Variants in ITGB4 observed in about 807,000 individuals in gnomAD.
ITGB4 encodes integrin subunit beta 4.
Under a neutral mutation model 207.6 loss-of-function variants are expected in ITGB4, and 159 were observed. The ratio of observed to expected loss-of-function variants is 0.77; its 90% CI spans 0.67 to 0.87. The LOEUF (loss-of-function observed/expected upper bound fraction) is 0.87, where lower values mean the gene tolerates loss of function less well. Ranked by LOEUF, ITGB4 falls within the 40% of genes least tolerant of loss-of-function variation. The pLI, the probability that ITGB4 is intolerant of heterozygous loss-of-function variation, is 0.00. For missense variants in ITGB4, 2,278 were observed against 2,546.8 expected (o/e 0.89, Z 2.27); for synonymous variants, 1,020 against 1,062.7 (o/e 0.96, Z 0.78).
chr17:75,747,433 T>C (rs563858839), intron 26 of ITGB4, among the ~76,000 whole-genome samples: 3 of 151,998 alleles, frequency 2.0e-5, no homozygotes, highest in Non-Finnish European at 4.4e-5. Flanking sequence ...GAGCCAAGAT[T>C]GCGCCACTTC....
Position 75,739,702 on chromosome 17 carries a change from C to T in ITGB4, c.2251C>T (p.Arg751Ter), listed in dbSNP as rs770592052. Residue 751 changes from arginine to a stop codon, truncating the protein, a stop_gained, in exon 19 of 40, where the codon CGA (arginine) becomes TGA (stop). Coordinates refer to ENST00000200181, the MANE Select transcript of ITGB4 (RefSeq NM_000213.5). LOFTEE classifies it high-confidence loss of function. This position sits in a 1 kb window ranked among gnomAD's most constrained non-coding sequence, Gnocchi z 5.4. Reference sequence around the variant, plus strand: ...CCTGGCACTTCTCCCGTGCTGCAACCGAGGTATGGGCCTGGCATCGCAGGG... The same window carrying T: ...CCTGGCACTTCTCCCGTGCTGCAACTGAGGTATGGGCCTGGCATCGCAGGG... ...ACLALLPCCN[R>*]GHMVGFKEDH... The T allele has an allele frequency of 2.5e-6, 4 of 1,614,014 alleles. No homozygotes were observed. Among genetic ancestry groups the T allele is most frequent in the South Asian group, 1.1e-5 (1 of 91,092 alleles).
rs761081268 is a variant in ITGB4, at chr17:75,731,384, G to A, written c.1215+16G>A. 39 of 1,606,172 alleles carry A rather than the reference G, an allele frequency of 2.4e-5. No homozygotes were observed. The highest frequency in any genetic ancestry group is 8.0e-5 in the African/African-American group (6 of 74,830). On this transcript the variant is annotated intron_variant, in intron 10 of 39. Coordinates refer to ENST00000200181, the MANE Select transcript of ITGB4 (RefSeq NM_000213.5). The surrounding 1 kb of genome is among the most constrained non-coding windows in gnomAD (Gnocchi z 6.8). ...GGGGGAAGTGGTACGCCTCTGTGGG[G>A]GCAGCGGGGTGGGGGATAGGCACAG...
At chr17:75,753,019 C>A (rs113414158) in intron 32 of ITGB4, among the ~76,000 whole-genome samples, 1 of 152,214 alleles carries the variant, frequency 6.6e-6, no homozygotes, top group Non-Finnish European at 1.5e-5. Flanking sequence ...GCTGCGGAGC[C>A]CTTAGCTGGG....
Position 75,753,886 on chromosome 17 carries a change from C to A in ITGB4, c.4230C>A (p.Ala1410=). The A allele has an allele frequency of 7.6e-7, 1 of 1,316,430 alleles. No homozygotes were observed. Among genetic ancestry groups the A allele is most frequent in the Non-Finnish European group, 9.6e-7 (1 of 1,036,892 alleles). The allele number at this position is 1,316,430 out of a possible 1,614,324, so 81.5% of individuals were successfully genotyped here. ...CCAGCAGCGGGCGCTCCTCCGACGC[C>A]GAGGCGCCCCACGGGCCCCCGGACG... ...LSASSGRSSD[A]EAPHGPPDDG... The change falls in exon 33 of 40, where the codon GCC becomes GCA. Residue 1410 remains alanine (A), a synonymous_variant. Coordinates refer to ENST00000200181, the MANE Select transcript of ITGB4 (RefSeq NM_000213.5).
chr17:75,730,550 G>A (rs1203048950), intron 8 of ITGB4, 46 bp downstream of exon 8: 2 of 1,607,658 alleles, frequency 1.2e-6, no homozygotes, highest in African/African-American at 1.3e-5. Flanking sequence ...AAGGTAGGGG[G>A]TCCATGGAGC....
Position 75,730,924 on chromosome 17 carries a change from A to C in ITGB4, c.1052A>C (p.Asp351Ala). 6.2e-7 allele frequency: 1 copy of C among 1,613,610 alleles called. No individual in the cohort carries two copies. Residue 351 changes from aspartate to alanine, a missense_variant, in exon 9 of 40, where the codon GAC (aspartate) becomes GCC (alanine). Physicochemically the swap from Asp to Ala is moderately radical, Grantham distance 126. Coordinates refer to ENST00000200181, the MANE Select transcript of ITGB4 (RefSeq NM_000213.5). ...PVSSLGVLQE[D>A]SSNIVELLEE... ...TCCTCACTGGGGGTGCTGCAGGAGG[A>C]CTCGTCCAACATCGTGGAGCTGCTG...
rs1250332499 is a variant in ITGB4, at chr17:75,753,941, C to T, written c.4285C>T (p.Leu1429=). ...DGGAGGKGGS[L]PRSATPGPPG... ...CGGCGCGGGCGGGAAGGGCGGCAGCCTGCCCCGCAGTGCGACACCCGGGCC... is the reference window on the plus strand; with the variant it reads ...CGGCGCGGGCGGGAAGGGCGGCAGCTTGCCCCGCAGTGCGACACCCGGGCC... The change falls in exon 33 of 40, where the codon CTG becomes TTG. Residue 1429 remains leucine, a synonymous_variant. Coordinates refer to ENST00000200181, the MANE Select transcript of ITGB4 (RefSeq NM_000213.5). 2 of 1,277,482 alleles carry T rather than the reference C, an allele frequency of 1.6e-6. No individual in the cohort carries two copies. The highest frequency in any genetic ancestry group is 2.0e-6 in the Non-Finnish European group (2 of 1,017,808). 79.1% of individuals were successfully genotyped at this position (1,277,482 alleles called of 1,614,324 possible). A position where few individuals can be genotyped will look rare whatever the true frequency, so the allele number is the denominator to read the frequency against.
In ITGB4 at chr17:75,729,369, G is replaced by C; in HGVS notation, c.671G>C (p.Arg224Pro). The change falls in exon 7 of 40, where the codon CGG (arginine) becomes CCG (proline). Residue 224 changes from arginine to proline, a missense_variant. Coordinates refer to ENST00000200181, the MANE Select transcript of ITGB4 (RefSeq NM_000213.5). This position sits in a 1 kb window ranked among gnomAD's most constrained non-coding sequence, Gnocchi z 4.4. ...TTCCGGAATAAACTGCAGGGAGAGC[G>C]GATCTCAGGCAACCTGGATGCTCCT... ...DEFRNKLQGE[R>P]ISGNLDAPEG... The C allele has an allele frequency of 6.2e-7, 1 of 1,614,158 alleles. No individual in the cohort carries two copies. The highest frequency in any genetic ancestry group is 1.1e-5 in the South Asian group (1 of 91,082).
Position 75,757,669 on chromosome 17 carries a change from C to A in ITGB4, c.*114C>A. The A allele has an allele frequency of 7.0e-7, 1 of 1,430,560 alleles. No homozygotes were observed. The highest frequency in any genetic ancestry group is 9.8e-7 in the Non-Finnish European group (1 of 1,019,722). 88.6% of individuals were successfully genotyped at this position (1,430,560 alleles called of 1,614,324 possible). A position where few individuals can be genotyped will look rare whatever the true frequency, so the allele number is the denominator to read the frequency against. ...CCTGGGGGCCCAGCCCACCCGCATG[C>A]ACAGAGCAGGGGCTAGGTGTCTCCT... On this transcript the variant is annotated 3_prime_UTR_variant, in exon 40 of 40. Transcript: ENST00000200181.
At position 75,722,001 on chromosome 17, in the gene ITGB4, C is replaced by A. The variant is rs1568336845; in HGVS notation, c.-11+389C>A. Among the ~76,000 whole-genome samples the A allele has an allele frequency of 6.6e-6, 1 of 152,254 alleles. No individual in the cohort carries two copies. The highest frequency in any genetic ancestry group is 1.5e-5 in the Non-Finnish European group (1 of 68,042). ...TCTAATGATAAACCAACATTCCTGA[C>A]TTTTATGTGAAATTTCGTTCTTTCT... is the stretch of plus-strand genomic sequence containing the variant. On this transcript the variant is annotated intron_variant, in intron 1 of 39. Coordinates refer to ENST00000200181, the MANE Select transcript of ITGB4 (RefSeq NM_000213.5). This position sits in a 1 kb window ranked among gnomAD's most constrained non-coding sequence, Gnocchi z 6.2.
At chr17:75,734,835 A>C (rs964245528) in intron 13 of ITGB4, among the ~76,000 whole-genome samples, 1 of 152,204 alleles carries the variant, frequency 6.6e-6, no homozygotes, top group Non-Finnish European at 1.5e-5. Flanking sequence ...GAAGGGAGGA[A>C]GGTGCCTCTG....
chr17:75,742,502 G>A lies in ITGB4; in HGVS notation c.2782+13G>A. 1.2e-6 allele frequency: 2 copies of A among 1,613,074 alleles called. No individual in the cohort carries two copies. The highest frequency in any genetic ancestry group is 3.3e-4 in the Middle Eastern group (2 of 6,062). On this transcript the variant is annotated intron_variant, in intron 24 of 39. Transcript: ENST00000200181. The surrounding 1 kb of genome is among the most constrained non-coding windows in gnomAD (Gnocchi z 5.9). ...ACTGCAGACCAGGGTAGGAGGGCGG[G>A]TCCGCTGTGCCACTGCCTCGCACCT...
In ITGB4 at chr17:75,750,050, G is replaced by A; in HGVS notation, c.3317-61G>A. ...GCCCTGGGTGTTGAAGTGGGTCTCT[G>A]GCGCCCCCTGGTGGTGAAGGGGGAT... On this transcript the variant is annotated intron_variant, in intron 27 of 39. Coordinates refer to ENST00000200181, the MANE Select transcript of ITGB4 (RefSeq NM_000213.5). The surrounding 1 kb of genome is among the most constrained non-coding windows in gnomAD (Gnocchi z 5.5). 3 of 1,604,718 alleles carry A rather than the reference G, an allele frequency of 1.9e-6. No homozygotes were observed. The highest frequency in any genetic ancestry group is 2.2e-5 in the East Asian group (1 of 44,808).
Position 75,740,821 on chromosome 17 carries a change from G to A in ITGB4, c.2579G>A (p.Gly860Asp). 6.2e-7 allele frequency: 1 copy of A among 1,613,604 alleles called. No homozygotes were observed. The highest frequency in any genetic ancestry group is 8.5e-7 in the Non-Finnish European group (1 of 1,180,022). ...NLNEVYRQIS[G>D]VHKLQQTKFR... ...AACGAGGTCTACAGGCAGATCTCCGGTGTACACAAGCTCCAGCAGACCAAG... is the reference window on the plus strand; with the variant it reads ...AACGAGGTCTACAGGCAGATCTCCGATGTACACAAGCTCCAGCAGACCAAG... Residue 860 changes from glycine to aspartate, a missense_variant, in exon 22 of 40, where the codon GGT (glycine) becomes GAT (aspartate). Physicochemically the swap from Gly to Asp is moderately conservative, Grantham distance 94. Coordinates refer to ENST00000200181, the MANE Select transcript of ITGB4 (RefSeq NM_000213.5). The surrounding 1 kb of genome is among the most constrained non-coding windows in gnomAD (Gnocchi z 5.9).
chr17:75,749,593 G>A (rs1466869743), intron 27 of ITGB4, among the ~76,000 whole-genome samples: 1 of 152,192 alleles, frequency 6.6e-6, no homozygotes, highest in Non-Finnish European at 1.5e-5. Flanking sequence ...CATTTTATCT[G>A]GCAACCCTAC....
At chr17:75,726,105 C>T (rs1230843674) in intron 2 of ITGB4, among the ~76,000 whole-genome samples, 2 of 152,232 alleles carry the variant, frequency 1.3e-5, no homozygotes, top group Non-Finnish European at 2.9e-5. Flanking sequence ...TTTGAAATCA[C>T]AGCTTGTTTC....
chr17:75,753,843 T>G lies in ITGB4; in HGVS notation c.4187T>G (p.Leu1396Arg), dbSNP rs372879741. The change falls in exon 33 of 40, where the codon CTC becomes CGC. Residue 1396 changes from leucine (L) to arginine (R), a missense_variant. Coordinates refer to ENST00000200181, the MANE Select transcript of ITGB4 (RefSeq NM_000213.5). ...RRVTWRLPPE[L>R]IPRLSASSGR... ...GTCACGTGGCGGCTGCCCCCGGAGC[T>G]CATCCCGCGCCTGTCGGCCAGCAGC... The G allele has an allele frequency of 2.7e-4, 384 of 1,427,842 alleles. No homozygotes were observed. Among genetic ancestry groups the G allele is most frequent in the Non-Finnish European group, 3.3e-4 (356 of 1,089,968 alleles). 88.4% of individuals were successfully genotyped at this position (1,427,842 alleles called of 1,614,324 possible).
chr17:75,729,251 C>T lies in ITGB4; in HGVS notation c.567-14C>T. The T allele has an allele frequency of 2.5e-6, 4 of 1,613,474 alleles. No individual in the cohort carries two copies. Among genetic ancestry groups the T allele is most frequent in the Non-Finnish European group, 3.4e-6 (4 of 1,179,476 alleles). On this transcript the variant is annotated splice_polypyrimidine_tract_variant and intron_variant, in intron 6 of 39. Transcript: ENST00000200181. The surrounding 1 kb of genome is among the most constrained non-coding windows in gnomAD (Gnocchi z 4.4). ...CCCCCTGTGACACTCTCTCTCCCTC[C>T]CACCTCTGCCCAGGCTGAAGGAGCC...
chr17:75,747,750 A>G (rs1414251687), intron 26 of ITGB4, among the ~76,000 whole-genome samples: 2 of 152,174 alleles, frequency 1.3e-5, no homozygotes, highest in Admixed American at 1.3e-4. Context: ...CCCGGGTTCA[A>G]GCAATTCTCC....
Sources: allele counts gnomAD v4.1 joint callset (sites outside exome capture counted in the v4.1 genomes callset), GRCh38; gene constraint gnomAD v4.1.1; non-coding constraint Gnocchi (gnomAD v3.1); transcripts MANE v1.5; gene names NCBI Gene and HGNC (gene_info 2026-07-23, HGNC 2026-07-21).